TM4SF4: variants seen among roughly 807,000 people sequenced by gnomAD.
TM4SF4 encodes the protein transmembrane 4 L6 family member 4.
In TM4SF4, 24 loss-of-function variants were observed where a neutral mutation model predicts 24.1. The ratio of observed to expected loss-of-function variants is 1.00; its 90% confidence interval spans 0.72 to 1.40. TM4SF4 has a LOEUF of 1.40. Among genes scored for constraint, TM4SF4 ranks in the 40% most tolerant of loss-of-function variants. TM4SF4 has a pLI of 0.00. For synonymous variants in TM4SF4, 113 were observed against 97.0 expected (o/e 1.17, Z -0.97); for missense variants, 254 against 254.2 (o/e 1.00, Z 0.01).
intron 2 of TM4SF4, among the ~76,000 whole-genome samples, chr3:149,477,310 G>A (rs1733950297): frequency 6.6e-6 from 1 of 152,228 alleles, no homozygotes; most frequent in South Asian, 2.1e-4. Flanking sequence ...ATATTGATGA[G>A]GCAGAAATGA....
intron 3 of TM4SF4, among the ~76,000 whole-genome samples, chr3:149,490,047 T>A (rs1734184725): frequency 6.6e-6 from 1 of 152,224 alleles, no homozygotes; most frequent in Non-Finnish European, 1.5e-5. Context: ...AGATGATTTA[T>A]AGGCTATTTA....
intron 2 of TM4SF4, among the ~76,000 whole-genome samples, chr3:149,483,434 G>A (rs1408163023): frequency 1.3e-5 from 2 of 151,608 alleles, no homozygotes; most frequent in Non-Finnish European, 2.9e-5. Flanking sequence ...GGGCAACACA[G>A]TGAGACCCCA....
intron 2 of TM4SF4, among the ~76,000 whole-genome samples, chr3:149,483,056 C>T (rs1734062386): frequency 6.6e-6 from 1 of 151,982 alleles, no homozygotes; most frequent in African/African-American, 2.4e-5. Context: ...CCCCCTCCTT[C>T]ATAGAATCTG....
intron 2 of TM4SF4, among the ~76,000 whole-genome samples, chr3:149,482,730 G>A (rs1309695871): frequency 6.6e-6 from 1 of 152,184 alleles, no homozygotes; most frequent in Non-Finnish European, 1.5e-5. Flanking sequence ...TTCTTGTAGA[G>A]ATGGAATTTC....
chr3:149,490,675 A>G (rs1165714747), intron 3 of TM4SF4, among the ~76,000 whole-genome samples: 1 of 152,148 alleles, frequency 6.6e-6, no homozygotes, highest in African/African-American at 2.4e-5. Context: ...CTTTTACTAT[A>G]CAGTACTATA....
chr3:149,484,666 C>T (rs1734087471), intron 2 of TM4SF4, among the ~76,000 whole-genome samples: 2 of 152,042 alleles, frequency 1.3e-5, no homozygotes, highest in African/African-American at 2.4e-5. Context: ...ATTCTTCTGC[C>T]TTGGCCTCCC....
At chr3:149,483,632 C>T (rs1459608437) in intron 2 of TM4SF4, among the ~76,000 whole-genome samples, 1 of 151,908 alleles carries the variant, frequency 6.6e-6, no homozygotes, top group Admixed American at 6.6e-5. Context: ...AAAAGCATGT[C>T]TTATTTTCCC....
At position 149,497,937 on chromosome 3, in the gene TM4SF4, G is replaced by T. The variant is rs953834804; in HGVS notation, c.402-785G>T. Among the ~76,000 whole-genome samples, 5 of 151,730 alleles carry T rather than the reference G, an allele frequency of 3.3e-5. No individual in the cohort carries two copies. In the East Asian group the frequency reaches 9.7e-4, roughly 29 times the overall value. On this transcript the variant is annotated intron_variant, in intron 3 of 4. Transcript: ENST00000305354. Reference sequence around the variant, plus strand: ...TGGGATTACAGGTGTGAGTCACCGCGCCCGGCCACAATGCCCTTTATATTG... The same window carrying T: ...TGGGATTACAGGTGTGAGTCACCGCTCCCGGCCACAATGCCCTTTATATTG...
chr3:149,495,664 A>ACCACC (rs1417461247), intron 3 of TM4SF4: 2 of 302,402 alleles, frequency 6.6e-6, no homozygotes, highest in Non-Finnish European at 1.4e-5. Flanking sequence ...TTTATCTTGC[A>ACCACC]CCACCCAGGC....
At chr3:149,491,326 A>G (rs368403207) in intron 3 of TM4SF4, among the ~76,000 whole-genome samples, 14 of 151,730 alleles carry the variant, frequency 9.2e-5, no homozygotes, top group Non-Finnish European at 1.3e-4. Context: ...TTAGCTGGGC[A>G]TGGTTGTGCA....
At chr3:149,484,552 T>G (rs941408566) in intron 2 of TM4SF4, among the ~76,000 whole-genome samples, 67 of 138,442 alleles carry the variant, frequency 4.8e-4, no homozygotes, top group Non-Finnish European at 9.8e-4. Flanking sequence ...CCCCGCTAAT[T>G]TTTTTTTTTT....
At chr3:149,476,812 TTG>T (rs1560028164) in intron 2 of TM4SF4, among the ~76,000 whole-genome samples, 1 of 55,028 alleles carries the variant, frequency 1.8e-5, no homozygotes, top group African/African-American at 4.8e-5. Context: ...GTTTTTGTTT[TTG>T]TTTTTTTTTT....
intron 4 of TM4SF4, among the ~76,000 whole-genome samples, chr3:149,499,200 T>C (rs922520441): frequency 3.9e-5 from 6 of 152,220 alleles, no homozygotes; most frequent in Non-Finnish European, 7.3e-5. Flanking sequence ...GACAAAGGAC[T>C]CTGTCTATAT....
At chr3:149,490,677 A>G (rs917312033) in intron 3 of TM4SF4, among the ~76,000 whole-genome samples, 2 of 152,204 alleles carry the variant, frequency 1.3e-5, no homozygotes, top group Non-Finnish European at 2.9e-5. Context: ...TTTACTATAC[A>G]GTACTATACT....
chr3:149,475,828 C>T lies in TM4SF4; in HGVS notation c.180C>T (p.Ile60=), dbSNP rs768107978. ...GGTGCCTCTTCTCCTGGTAGATGAT[C>T]TTCCCTGCGCTGGTGTTCTTGGGCC... ...GGILGSGVLM[I]FPALVFLGLK... is the part of the protein sequence containing the mutation. Residue 60 remains isoleucine, a synonymous_variant, in exon 2 of 5, where the codon ATC becomes ATT. Transcript: ENST00000305354. 10 of 1,610,152 alleles carry T rather than the reference C, an allele frequency of 6.2e-6. No individual in the cohort carries two copies. The highest frequency in any genetic ancestry group is 8.5e-6 in the Non-Finnish European group (10 of 1,178,328).
chr3:149,484,127 T>C (rs544672819), intron 2 of TM4SF4, among the ~76,000 whole-genome samples: 1 of 152,302 alleles, frequency 6.6e-6, no homozygotes, highest in East Asian at 1.9e-4. Flanking sequence ...TTAATCAATG[T>C]CTTTGCTACT....
chr3:149,478,723 C>A (rs572919617), intron 2 of TM4SF4, among the ~76,000 whole-genome samples: 1 of 152,178 alleles, frequency 6.6e-6, no homozygotes, highest in African/African-American at 2.4e-5. Flanking sequence ...GCTGGGTAGC[C>A]AGCAGAAGGA....
At chr3:149,487,870 T>G in intron 3 of TM4SF4, 115 bp downstream of exon 3, 1 of 1,422,160 alleles carries the variant, frequency 7.0e-7, no homozygotes, top group South Asian at 1.4e-5. Flanking sequence ...AGCCTCAGGC[T>G]CGGTGCTCCT....
At chr3:149,477,550 G>A (rs563096244) in intron 2 of TM4SF4, among the ~76,000 whole-genome samples, 18 of 152,188 alleles carry the variant, frequency 1.2e-4, no homozygotes, top group African/African-American at 4.3e-4. Flanking sequence ...AAAAAATATT[G>A]AGCACATGTG....
Sources: allele counts gnomAD v4.1 joint callset (sites outside exome capture counted in the v4.1 genomes callset), GRCh38; gene constraint gnomAD v4.1.1; transcripts MANE v1.5; gene names NCBI Gene and HGNC (gene_info 2026-07-23, HGNC 2026-07-21).